The following SFXN5 variants were observed in gnomAD, a reference collection of about 807,000 sequenced individuals.
The protein encoded by SFXN5 is sideroflexin 5.
In SFXN5, 43 loss-of-function variants were observed where a neutral mutation model predicts 50.2. That is an observed-to-expected ratio of 0.86 (90% CI 0.67 to 1.11). The LOEUF (loss-of-function observed/expected upper bound fraction) is 1.11, where lower values mean the gene tolerates loss of function less well. Ranked by LOEUF, SFXN5 falls within the 50% of genes least tolerant of loss-of-function variation. The probability of loss-of-function intolerance (pLI) is 0.00; values close to 1 mark genes in which losing one functional copy is unlikely to be tolerated. For missense variants in SFXN5, 463 were observed against 454.1 expected (o/e 1.02, Z -0.18); for synonymous variants, 203 against 185.8 (o/e 1.09, Z -0.75).
intron 9 of SFXN5, among the ~76,000 whole-genome samples, chr2:72,991,644 G>A (rs547097373): frequency 6.6e-6 from 1 of 152,380 alleles, no homozygotes; most frequent in East Asian, 1.9e-4. Flanking sequence ...TGCAGACCAG[G>A]GGTTAGGAGC....
intron 6 of SFXN5, among the ~76,000 whole-genome samples, chr2:73,015,145 GTT>G (rs1208464076): frequency 6.6e-6 from 1 of 152,056 alleles, no homozygotes; most frequent in African/African-American, 2.4e-5. Context: ...CTAATCTGTT[GTT>G]TTTATCATAA....
At chr2:73,010,035 G>A (rs1478753400) in intron 6 of SFXN5, among the ~76,000 whole-genome samples, 1 of 152,162 alleles carries the variant, frequency 6.6e-6, no homozygotes, top group African/African-American at 2.4e-5. Flanking sequence ...CAAATACCCA[G>A]TTACCCAGTT....
At chr2:72,998,766 T>A in intron 9 of SFXN5, 183 bp downstream of exon 9, 1 of 625,802 alleles carries the variant, frequency 1.6e-6, no homozygotes, top group Non-Finnish European at 2.8e-6. Context: ...GAGCACCAGG[T>A]TGTGCTCTGT....
chr2:72,968,563 G>C (rs765254066), intron 11 of SFXN5, 30 bp from the exon 12 acceptor site: 4 of 1,607,456 alleles, frequency 2.5e-6, no homozygotes, highest in Non-Finnish European at 3.4e-6. Context: ...TGTGTGAGAG[G>C]GGCCTGACAG....
At chr2:72,967,895 C>T (rs2105430782) in intron 12 of SFXN5, among the ~76,000 whole-genome samples, 1 of 152,302 alleles carries the variant, frequency 6.6e-6, no homozygotes, top group South Asian at 2.1e-4. Context: ...TCCCTCATTT[C>T]TTCACAGTCA....
At chr2:73,055,999 G>T (rs956791387) in intron 2 of SFXN5, among the ~76,000 whole-genome samples, 1 of 152,158 alleles carries the variant, frequency 6.6e-6, no homozygotes, top group Non-Finnish European at 1.5e-5. Flanking sequence ...TTAGCCACGC[G>T]TGATGGTGCA....
intron 2 of SFXN5, among the ~76,000 whole-genome samples, chr2:73,047,735 A>G (rs1269806574): frequency 1.3e-5 from 2 of 151,752 alleles, no homozygotes; most frequent in Non-Finnish European, 2.9e-5. Context: ...AGTCCATTAA[A>G]CCTCTTTCCT....
chr2:73,034,790 C>A (rs1678752475), intron 3 of SFXN5, among the ~76,000 whole-genome samples: 1 of 152,214 alleles, frequency 6.6e-6, no homozygotes, highest in African/African-American at 2.4e-5. Context: ...TACCACAATA[C>A]CACTGTCGTG....
Position 73,071,641 on chromosome 2 carries a change from G to GT in SFXN5, c.64_65insA (p.Ala22AspfsTer36). 6.2e-7 allele frequency: 1 copy of GT among 1,613,788 alleles called. No individual in the cohort carries two copies. Among genetic ancestry groups the GT allele is most frequent in the South Asian group, 1.1e-5 (1 of 91,064 alleles). Reference sequence around the variant, plus strand: ...GGGTTTGCCCAGTTGGAAAGGAGGTGCATCGCTCGAGGCGCTAGCGGCACT... The same window carrying GT: ...GGGTTTGCCCAGTTGGAAAGGAGGTGTCATCGCTCGAGGCGCTAGCGGCACT... On this transcript the variant is annotated frameshift_variant, in exon 1 of 14. Transcript: ENST00000272433. LOFTEE classifies it high-confidence loss of function.
At chr2:72,999,846 G>A (rs1304335452) in intron 8 of SFXN5, among the ~76,000 whole-genome samples, 1 of 152,054 alleles carries the variant, frequency 6.6e-6, no homozygotes, top group Non-Finnish European at 1.5e-5. Context: ...GTTGGGGAGA[G>A]GTGGCCTTGC....
At chr2:72,972,219 C>A (rs1670092258) in intron 10 of SFXN5, among the ~76,000 whole-genome samples, 1 of 152,214 alleles carries the variant, frequency 6.6e-6, no homozygotes, top group African/African-American at 2.4e-5. Flanking sequence ...GTTCACCCAG[C>A]ACCACCCCCT....
rs138059782 is a variant in SFXN5, at chr2:72,953,319, C to G, written c.945+7812G>C. 2.0e-5 allele frequency among the ~76,000 whole-genome samples: 3 copies of G among 152,168 alleles called. No individual in the cohort carries two copies. The highest frequency in any genetic ancestry group is 1.9e-4 in the East Asian group (1 of 5,160). On this transcript the variant is annotated intron_variant, in intron 13 of 13. Coordinates refer to ENST00000272433, the MANE Select transcript of SFXN5 (RefSeq NM_144579.3). The surrounding 1 kb of genome is among the most constrained non-coding windows in gnomAD (Gnocchi z 4.1). The stretch of plus-strand genomic sequence containing the variant: ...AGAGTTCAGTAGGGACTGATTAAAC[C>G]AGTAAATGAGAAAAACCCCAAACAA...
At chr2:73,059,372 T>C (rs1682559799) in intron 1 of SFXN5, 1 of 985,390 alleles carries the variant, frequency 1.0e-6, no homozygotes, top group Non-Finnish European at 1.2e-6. Flanking sequence ...CTGGGGTTCA[T>C]GCCTCACTAC....
intron 1 of SFXN5, among the ~76,000 whole-genome samples, chr2:73,063,941 C>T (rs1682997318): frequency 6.6e-6 from 1 of 152,188 alleles, no homozygotes; most frequent in Non-Finnish European, 1.5e-5. Flanking sequence ...TTTACCCAAT[C>T]GCACAATCGG....
At chr2:72,954,771 C>A (rs1360353771) in intron 13 of SFXN5, among the ~76,000 whole-genome samples, 1 of 152,220 alleles carries the variant, frequency 6.6e-6, no homozygotes, top group Non-Finnish European at 1.5e-5. Context: ...AGGGTGGCTC[C>A]CAGAGGGCAC....
At chr2:73,026,580 T>A (rs975923701) in intron 3 of SFXN5, among the ~76,000 whole-genome samples, 2 of 152,182 alleles carry the variant, frequency 1.3e-5, no homozygotes, top group African/African-American at 4.8e-5. Flanking sequence ...GTACAATGCA[T>A]TACTCACATT....
intron 3 of SFXN5, among the ~76,000 whole-genome samples, chr2:73,034,714 C>T (rs917676709): frequency 2.0e-5 from 3 of 152,138 alleles, no homozygotes; most frequent in Non-Finnish European, 4.4e-5. Flanking sequence ...CAGTTGCTTC[C>T]GAGCTGATTT....
At chr2:72,995,182 C>T (rs1673069312) in intron 9 of SFXN5, among the ~76,000 whole-genome samples, 1 of 152,360 alleles carries the variant, frequency 6.6e-6, no homozygotes, top group Middle Eastern at 3.4e-3. Context: ...TTCCTCTCAC[C>T]CTCGTGTAGC....
intron 3 of SFXN5, among the ~76,000 whole-genome samples, chr2:73,029,423 T>C (rs1458398530): frequency 1.3e-5 from 2 of 150,910 alleles, no homozygotes; most frequent in South Asian, 2.1e-4. Context: ...GCAATTCAAA[T>C]GAGCAGTTTT....
Sources: allele counts gnomAD v4.1 joint callset (sites outside exome capture counted in the v4.1 genomes callset), GRCh38; gene constraint gnomAD v4.1.1; non-coding constraint Gnocchi (gnomAD v3.1); transcripts MANE v1.5; gene names NCBI Gene and HGNC (gene_info 2026-07-23, HGNC 2026-07-21).